The following TNS2 variants were observed in gnomAD, a reference collection of about 807,000 sequenced individuals.
TNS2 encodes the protein tensin 2.
TNS2 carries 77 observed loss-of-function variants against 155.7 expected under a neutral mutation model. The observed-to-expected ratio is 0.49, with a 90% CI of 0.41 to 0.60. TNS2 has a LOEUF of 0.60. Ranked by LOEUF, TNS2 falls within the 20% of genes least tolerant of loss-of-function variation. TNS2 has a pLI of 0.00. For missense variants in TNS2, 1,703 were observed against 1,868.8 expected (o/e 0.91, Z 1.64); for synonymous variants, 726 against 763.9 (o/e 0.95, Z 0.82).
rs751070450 is a variant in TNS2, at chr12:53,058,777, G to T, written c.1355G>T (p.Arg452Leu). The part of the protein sequence containing the change: ...VDYNTTEPAV[R>L]WDSYENFNQH... ...TACAACACCACTGAGCCAGCCGTGC[G>T]CTGGGACTCCTATGAGAACTTCAAC... The change falls in exon 17 of 29, where the codon CGC becomes CTC. Residue 452 changes from arginine to leucine, a missense_variant. Transcript: ENST00000314250. The T allele has an allele frequency of 6.2e-7, 1 of 1,613,934 alleles. No homozygotes were observed. Among genetic ancestry groups the T allele is most frequent in the South Asian group, 1.1e-5 (1 of 91,082 alleles).
Position 53,063,413 on chromosome 12 carries a change from C to A in TNS2, c.4057C>A (p.Arg1353=). 1 of 1,613,974 alleles carries A rather than the reference C, an allele frequency of 6.2e-7. No homozygotes were observed. The highest frequency in any genetic ancestry group is 8.5e-7 in the Non-Finnish European group (1 of 1,180,008). ...ITFSSTDPQD[R]RWTNPDGTTS... Reference sequence around the variant, plus strand: ...CTTCTCCAGCACTGACCCTCAAGACCGGAGGTGACTCTCCCTCCAAACCCT... The same window carrying A: ...CTTCTCCAGCACTGACCCTCAAGACAGGAGGTGACTCTCCCTCCAAACCCT... The change falls in exon 27 of 29, where the codon CGG becomes AGG. Residue 1353 remains arginine (R), a synonymous_variant. Transcript: ENST00000314250. The surrounding 1 kb of genome is among the most constrained non-coding windows in gnomAD (Gnocchi z 5.6).
At position 53,060,917 on chromosome 12, in the gene TNS2, C is replaced by T. The variant is rs968890418; in HGVS notation, c.3011C>T (p.Pro1004Leu). The T allele has an allele frequency of 6.3e-7, 1 of 1,595,146 alleles. No homozygotes were observed. Among genetic ancestry groups the T allele is most frequent in the South Asian group, 1.1e-5 (1 of 88,776 alleles). The change falls in exon 20 of 29, where the codon CCT becomes CTT. Residue 1004 changes from proline to leucine, a missense_variant. Coordinates refer to ENST00000314250, the MANE Select transcript of TNS2 (RefSeq NM_170754.4). This position sits in a 1 kb window ranked among gnomAD's most constrained non-coding sequence, Gnocchi z 6.1. ...GHSDGASPRS[P>L]VPTTLPGLRH... ...TCAGATGGCGCCAGTCCTCGGAGCC[C>T]TGTGCCCACCACACTTCCTGGCCTC...
intron 25 of TNS2, 65 bp downstream of exon 25, chr12:53,062,762 G>C (rs1295378800): frequency 1.9e-6 from 3 of 1,580,362 alleles, no homozygotes; most frequent in African/African-American, 2.7e-5. Flanking sequence ...TGGATACAGG[G>C]CATGGGGCAC....
In TNS2 at chr12:53,051,979, C is replaced by G. The variant is rs1233691380; in HGVS notation, c.184+16C>G. ...TCGTGCAGAGGTGAGGCTCTCTGTCCTGTGACTCTGAGACCCTCCACCCAG... is the reference window on the plus strand; with the variant it reads ...TCGTGCAGAGGTGAGGCTCTCTGTCGTGTGACTCTGAGACCCTCCACCCAG... On this transcript the variant is annotated intron_variant, in intron 2 of 28. Transcript: ENST00000314250. The G allele has an allele frequency of 1.3e-6, 2 of 1,599,770 alleles. No homozygotes were observed. The highest frequency in any genetic ancestry group is 1.7e-6 in the Non-Finnish European group (2 of 1,169,156).
At chr12:53,061,793 C>A in intron 21 of TNS2, 22 bp from the exon 22 acceptor site, 1 of 1,603,998 alleles carries the variant, frequency 6.2e-7, no homozygotes, top group Non-Finnish European at 8.5e-7. Context: ...CTCCCCACTG[C>A]CCGCTACCCC....
rs1455298498 is a variant in TNS2 at position 53,054,400 on chromosome 12, C to G, written c.481C>G (p.Leu161Val). The G allele has an allele frequency of 6.2e-7, 1 of 1,609,914 alleles. No homozygotes were observed. The highest frequency in any genetic ancestry group is 8.5e-7 in the Non-Finnish European group (1 of 1,179,088). ...GCGGCACCGGGGCCACCTGCGCGAGCTGGCCCATGTGCTGCAATCCAAGCA... is the reference window on the plus strand; with the variant it reads ...GCGGCACCGGGGCCACCTGCGCGAGGTGGCCCATGTGCTGCAATCCAAGCA... ...EQRHRGHLRE[L>V]AHVLQSKHRD... The change falls in exon 7 of 29, where the codon CTG (leucine) becomes GTG (valine). Residue 161 changes from leucine to valine, a missense_variant. By Grantham distance (32) the Leu-to-Val change is conservative. Coordinates refer to ENST00000314250, the MANE Select transcript of TNS2 (RefSeq NM_170754.4).
chr12:53,056,903 T>G (rs749370812), intron 10 of TNS2, 110 bp from the exon 11 acceptor site: 331 of 1,041,078 alleles, frequency 3.2e-4, no homozygotes, highest in Non-Finnish European at 3.8e-4. Context: ...ACTCTGGGCT[T>G]CTTCTAGACT....
chr12:53,050,923 G>C lies in TNS2; in HGVS notation c.75+663G>C, dbSNP rs1943908248. Among the ~76,000 whole-genome samples the C allele has an allele frequency of 6.6e-6, 1 of 152,174 alleles. No homozygotes were observed. Among genetic ancestry groups the C allele is most frequent in the Non-Finnish European group, 1.5e-5 (1 of 68,048 alleles). On this transcript the variant is annotated intron_variant, in intron 1 of 28. Transcript: ENST00000314250. This position sits in a 1 kb window ranked among gnomAD's most constrained non-coding sequence, Gnocchi z 4.7. ...CTACTGTGATGGGTCCCCGGGAGGA[G>C]GACAGCAGGAGTCTGAACTCCAGAG...
intron 12 of TNS2, 31 bp downstream of exon 12, chr12:53,057,710 AG>A: frequency 6.2e-7 from 1 of 1,613,866 alleles, no homozygotes; most frequent in South Asian, 1.1e-5. Flanking sequence ...CTCCCTAGGG[AG>A]AACCACCTTC....
Position 53,050,803 on chromosome 12 carries a change from T to C in TNS2, c.75+543T>C, listed in dbSNP as rs1375774462. Reference sequence around the variant, plus strand: ...CAGCCCAGAAGAGTTGCAGGGACAGTCAAGAAACCAGAGGTGCTGCCCACA... The same window carrying C: ...CAGCCCAGAAGAGTTGCAGGGACAGCCAAGAAACCAGAGGTGCTGCCCACA... On this transcript the variant is annotated intron_variant, in intron 1 of 28. Coordinates refer to ENST00000314250, the MANE Select transcript of TNS2 (RefSeq NM_170754.4). The surrounding 1 kb of genome is among the most constrained non-coding windows in gnomAD (Gnocchi z 4.7). Among the ~76,000 whole-genome samples the C allele has an allele frequency of 1.3e-5, 2 of 152,106 alleles. No homozygotes were observed. Among genetic ancestry groups the C allele is most frequent in the Non-Finnish European group, 2.9e-5 (2 of 68,008 alleles).
Position 53,063,209 on chromosome 12 carries a change from A to G in TNS2, c.3944A>G (p.His1315Arg). Residue 1315 changes from histidine (H) to arginine (R), a missense_variant, in exon 26 of 29, where the codon CAC becomes CGC. Coordinates refer to ENST00000314250, the MANE Select transcript of TNS2 (RefSeq NM_170754.4). This position sits in a 1 kb window ranked among gnomAD's most constrained non-coding sequence, Gnocchi z 5.6. The part of the protein sequence containing the change: ...CSPRPTPAVV[H>R]FKVSAQGITL... ...CCCCGCCCGACACCAGCTGTTGTCC[A>G]CTTCAAGGTGTCAGCCCAGGGCATT... 1 of 1,612,972 alleles carries G rather than the reference A, an allele frequency of 6.2e-7. No homozygotes were observed. Among genetic ancestry groups the G allele is most frequent in the Non-Finnish European group, 8.5e-7 (1 of 1,179,644 alleles).
In TNS2 at chr12:53,059,764, G is replaced by T. The variant is rs757969914; in HGVS notation, c.2123G>T (p.Arg708Leu). 1 of 1,612,548 alleles carries T rather than the reference G, an allele frequency of 6.2e-7. No individual in the cohort carries two copies. ...CCTACAGCAGCCTTGTATGGACTGC[G>T]GCTGGAGAGGGAGGCTGGAGAAGGG... Reference protein sequence around the residue: ...ALPTAALYGLRLEREAGEGWA... With the variant: ...ALPTAALYGLLLEREAGEGWA... The change falls in exon 18 of 29, where the codon CGG becomes CTG. Residue 708 changes from arginine (R) to leucine (L), a missense_variant. Coordinates refer to ENST00000314250, the MANE Select transcript of TNS2 (RefSeq NM_170754.4). The surrounding 1 kb of genome is among the most constrained non-coding windows in gnomAD (Gnocchi z 4.7).
At position 53,063,668 on chromosome 12, in the gene TNS2, ATT is replaced by A. The variant is rs1193888523; in HGVS notation, c.4092-74_4092-73del. ...GCTGTCCTCTCAATGCTGGCATTTG[ATT>A]TGTCTCACCAAGGCCAGCTACATTC... On this transcript the variant is annotated intron_variant, in intron 28 of 28. Coordinates refer to ENST00000314250, the MANE Select transcript of TNS2 (RefSeq NM_170754.4). The surrounding 1 kb of genome is among the most constrained non-coding windows in gnomAD (Gnocchi z 5.6). The A allele has an allele frequency of 4.3e-6, 7 of 1,613,896 alleles. No homozygotes were observed. Among genetic ancestry groups the A allele is most frequent in the Middle Eastern group, 3.3e-4 (2 of 6,084 alleles).
chr12:53,058,469 G>A, intron 15 of TNS2, 24 bp downstream of exon 15: 1 of 1,613,958 alleles, frequency 6.2e-7, no homozygotes, highest in Non-Finnish European at 8.5e-7. Context: ...AAGTGGCCTG[G>A]GGCTGGAGTC....
chr12:53,048,205 G>A (rs2121035706), upstream of TNS2, among the ~76,000 whole-genome samples: 1 of 152,266 alleles, frequency 6.6e-6, no homozygotes. Context: ...GGATGGGAGG[G>A]ACTCACAGCC....
At chr12:53,052,206 C>G (rs1473703247) in intron 2 of TNS2, 1 of 611,774 alleles carries the variant, frequency 1.6e-6, no homozygotes, top group Non-Finnish European at 2.9e-6. Flanking sequence ...TGACGGTAGT[C>G]TTCCTTCCCT....
At position 53,056,648 on chromosome 12, in the gene TNS2, T is replaced by C. The variant is rs562728947; in HGVS notation, c.762-365T>C. On this transcript the variant is annotated intron_variant, in intron 10 of 28. Transcript: ENST00000314250. Reference sequence around the variant, plus strand: ...TCTTCTTATAAGGACACCAATCATATTGGATTCAGGGTCCACCCTCCTTCA... The same window carrying C: ...TCTTCTTATAAGGACACCAATCATACTGGATTCAGGGTCCACCCTCCTTCA... Among the ~76,000 whole-genome samples the C allele has an allele frequency of 2.0e-5, 3 of 152,328 alleles. No individual in the cohort carries two copies. The South Asian group carries it at 6.2e-4, about 32-fold the overall frequency.
chr12:53,047,182 C>CGGGCGCGGGCGCGGGCGCG (rs1171109225), upstream of TNS2: 2 of 53,870 alleles, frequency 3.7e-5, no homozygotes, highest in Non-Finnish European at 6.2e-5. Context: ...GCCACGGGCG[C>CGGGCGCGGGCGCGGGCGCG]GGGCGCGGGC....
chr12:53,054,684 C>CT (rs1297986297), intron 7 of TNS2, among the ~76,000 whole-genome samples: 2 of 151,514 alleles, frequency 1.3e-5, no homozygotes, highest in South Asian at 2.1e-4. Flanking sequence ...ATTTATTTAC[C>CT]TTTTTTTTGA....
Sources: gnomAD v4.1 joint callset for allele counts (sites outside exome capture counted in the v4.1 genomes callset) on GRCh38, gnomAD v4.1.1 for gene constraint, Gnocchi (gnomAD v3.1) non-coding constraint, MANE v1.5 for transcripts, NCBI Gene and HGNC (gene_info 2026-07-23, HGNC 2026-07-21) for gene names.